DMRT1: variants seen among roughly 807,000 people sequenced by gnomAD.
The protein encoded by DMRT1 is doublesex and mab-3 related transcription factor 1, also known as doublesex- and mab-3-related transcription factor 1.
Under a neutral mutation model 32.3 loss-of-function variants are expected in DMRT1, and 7 were observed. The ratio of observed to expected loss-of-function variants is 0.22; its 90% CI spans 0.12 to 0.41. The LOEUF (loss-of-function observed/expected upper bound fraction) is 0.41, where lower values mean the gene tolerates loss of function less well. DMRT1 is among the 10% of genes least tolerant of loss of function. The probability of loss-of-function intolerance (pLI) is 1.00; values close to 1 mark genes in which losing one functional copy is unlikely to be tolerated. For missense variants in DMRT1, 625 were observed against 500.5 expected, an observed-to-expected ratio of 1.25 and a Z score of -2.37; for synonymous variants, 278 against 206.1, an observed-to-expected ratio of 1.35 and a Z score of -2.99.
At chr9:860,239 G>C (rs866873724) in intron 2 of DMRT1, among the ~76,000 whole-genome samples, 2 of 152,196 alleles carry the variant, frequency 1.3e-5, no homozygotes, top group African/African-American at 4.8e-5. Flanking sequence ...GGAGGTTGCA[G>C]GGAGCCGAGA....
intron 2 of DMRT1, among the ~76,000 whole-genome samples, chr9:877,625 C>G (rs541656595): frequency 2.0e-4 from 30 of 152,268 alleles, no homozygotes; most frequent in African/African-American, 6.7e-4. Context: ...AAAAAAGAAG[C>G]TAAATATGGA....
chr9:948,729 A>T (rs1819329698), intron 4 of DMRT1, among the ~76,000 whole-genome samples: 1 of 151,902 alleles, frequency 6.6e-6, no homozygotes, highest in South Asian at 2.1e-4. Flanking sequence ...TACTCCACCC[A>T]ATCACACAAT....
chr9:930,568 C>CCA (rs1429987420), intron 4 of DMRT1, among the ~76,000 whole-genome samples: 1 of 152,076 alleles, frequency 6.6e-6, no homozygotes, highest in Non-Finnish European at 1.5e-5. Context: ...GCCACCATGC[C>CCA]CAGCAAATCC....
At chr9:893,741 G>A (rs1272358915) in intron 2 of DMRT1, among the ~76,000 whole-genome samples, 171 bp from the exon 3 acceptor site, 2 of 152,316 alleles carry the variant, frequency 1.3e-5, no homozygotes, top group Non-Finnish European at 2.9e-5. Flanking sequence ...AGAGTGAAGC[G>A]AACCTTAGAA....
intron 1 of DMRT1, among the ~76,000 whole-genome samples, chr9:844,415 G>T (rs890457705): frequency 6.6e-6 from 1 of 152,106 alleles, no homozygotes; most frequent in Non-Finnish European, 1.5e-5. Context: ...AAGGTCCTTA[G>T]CATATGGAGT....
Position 887,604 on chromosome 9 carries a change from C to T in DMRT1, c.539-6308C>T, listed in dbSNP as rs758620923. Reference sequence around the variant, plus strand: ...CACTGTGGCTGGAGCGCGTCTTGTCCTTTCTCTCCTTTGGGCCTCTGTTGA... The same window carrying T: ...CACTGTGGCTGGAGCGCGTCTTGTCTTTTCTCTCCTTTGGGCCTCTGTTGA... On this transcript the variant is annotated intron_variant, in intron 2 of 4. Coordinates refer to ENST00000382276, the MANE Select transcript of DMRT1 (RefSeq NM_021951.3). 6.5e-4 allele frequency among the ~76,000 whole-genome samples: 99 copies of T among 152,086 alleles called. 1 individual carries two copies. Among genetic ancestry groups the T allele is most frequent in the Non-Finnish European group, 1.3e-3 (88 of 68,020 alleles).
At chr9:921,775 G>A (rs1406250002) in intron 4 of DMRT1, among the ~76,000 whole-genome samples, 1 of 152,186 alleles carries the variant, frequency 6.6e-6, no homozygotes, top group African/African-American at 2.4e-5. Context: ...TGACTACTTG[G>A]GAGGGTGAGG....
intron 4 of DMRT1, among the ~76,000 whole-genome samples, chr9:940,198 A>G (rs1324302430): frequency 1.3e-5 from 2 of 152,082 alleles, no homozygotes; most frequent in Non-Finnish European, 2.9e-5. Context: ...TAATGCAGCA[A>G]TTCTACTTCT....
chr9:945,938 G>T (rs113573677), intron 4 of DMRT1, among the ~76,000 whole-genome samples: 2,053 of 152,026 alleles, frequency 0.014, 48 homozygotes, highest in African/African-American at 0.047. Flanking sequence ...AACATAAGGG[G>T]TGTTGTAGTC....
chr9:922,896 T>C (rs1818401295), intron 4 of DMRT1, among the ~76,000 whole-genome samples: 1 of 152,108 alleles, frequency 6.6e-6, no homozygotes, highest in South Asian at 2.1e-4. Flanking sequence ...TACCCAAAGG[T>C]CAGATGGCCA....
intron 4 of DMRT1, among the ~76,000 whole-genome samples, chr9:951,493 A>G (rs2129956513): frequency 6.6e-6 from 1 of 152,374 alleles, no homozygotes; most frequent in South Asian, 2.1e-4. Context: ...TGAATGGTAC[A>G]GATGACACTT....
At chr9:875,022 G>A (rs1816437151) in intron 2 of DMRT1, among the ~76,000 whole-genome samples, 1 of 151,652 alleles carries the variant, frequency 6.6e-6, no homozygotes, top group African/African-American at 2.4e-5. Flanking sequence ...ATGTTAGCCA[G>A]GATGGTCTGA....
intron 2 of DMRT1, among the ~76,000 whole-genome samples, chr9:872,492 C>T (rs1476732044): frequency 6.6e-6 from 1 of 152,186 alleles, no homozygotes; most frequent in African/African-American, 2.4e-5. Flanking sequence ...GGGTTTCTTC[C>T]CCCAGCCTCT....
At chr9:941,223 T>C (rs1350615185) in intron 4 of DMRT1, among the ~76,000 whole-genome samples, 2 of 152,002 alleles carry the variant, frequency 1.3e-5, no homozygotes, top group African/African-American at 4.8e-5. Context: ...ATTTGTACAC[T>C]CAATGTTCAC....
chr9:890,167 C>G (rs975764577), intron 2 of DMRT1, among the ~76,000 whole-genome samples: 2 of 147,964 alleles, frequency 1.4e-5, no homozygotes, highest in African/African-American at 2.5e-5. Context: ...TGGCTCAGGC[C>G]GACTGAGCTG....
At chr9:948,648 G>T (rs1486820578) in intron 4 of DMRT1, among the ~76,000 whole-genome samples, 2 of 152,086 alleles carry the variant, frequency 1.3e-5, no homozygotes, top group Non-Finnish European at 2.9e-5. Context: ...TTACCAAGCA[G>T]CTTACACTGT....
At chr9:951,399 C>A (rs138305688) in intron 4 of DMRT1, among the ~76,000 whole-genome samples, 1 of 152,090 alleles carries the variant, frequency 6.6e-6, no homozygotes, top group Non-Finnish European at 1.5e-5. Flanking sequence ...AGCAAGAATG[C>A]GTCTTTTCTG....
intron 4 of DMRT1, among the ~76,000 whole-genome samples, chr9:934,202 C>G (rs1330579579): frequency 1.3e-5 from 2 of 152,164 alleles, no homozygotes; most frequent in African/African-American, 4.8e-5. Flanking sequence ...TAGCATTCAT[C>G]CCTTATCAGA....
At chr9:906,345 TA>T (rs1447761880) in intron 3 of DMRT1, among the ~76,000 whole-genome samples, 1 of 152,214 alleles carries the variant, frequency 6.6e-6, no homozygotes, top group Non-Finnish European at 1.5e-5. Flanking sequence ...TCTGTGCTCA[TA>T]AGACACCCTT....
Sources: gnomAD v4.1 joint callset for allele counts (sites outside exome capture counted in the v4.1 genomes callset) on GRCh38, gnomAD v4.1.1 for gene constraint, MANE v1.5 for transcripts, NCBI Gene and HGNC (gene_info 2026-07-23, HGNC 2026-07-21) for gene names.